The following RPL11 variants were observed in gnomAD, a reference collection of about 807,000 sequenced individuals.
RPL11 encodes the protein large ribosomal subunit protein uL5.
RPL11 carries 3 observed loss-of-function variants against 24.1 expected under a neutral mutation model. The observed-to-expected ratio is 0.12, with a 90% CI of 0.06 to 0.32. The LOEUF is 0.32. Ranked by LOEUF, RPL11 falls within the 10% of genes least tolerant of loss-of-function variation. RPL11 has a pLI of 1.00. For synonymous variants in RPL11, 96 were observed against 75.7 expected (o/e 1.27, Z -1.39); for missense variants, 146 against 225.7 (o/e 0.65, Z 2.26).
chr1:23,696,235 A>G, intron 5 of RPL11, 109 bp from the exon 6 acceptor site: 1 of 1,077,540 alleles, frequency 9.3e-7, no homozygotes, highest in Non-Finnish European at 1.4e-6. Context: ...GATGGGATTC[A>G]GAGCCCAAGT....
At position 23,695,838 on chromosome 1, in the gene RPL11, G is replaced by A. The variant is rs770776620; in HGVS notation, c.437G>A (p.Arg146His). The A allele has an allele frequency of 1.4e-5, 23 of 1,600,962 alleles. No individual in the cohort carries two copies. The highest frequency in any genetic ancestry group is 1.8e-4 in the Middle Eastern group (1 of 5,420). The change falls in exon 5 of 6, where the codon CGC becomes CAC. Residue 146 changes from arginine (R) to histidine (H), a missense_variant. Transcript: ENST00000643754. Reference sequence around the variant, plus strand: ...GGTTTCAGCATCGCAGACAAGAAGCGCAGGACAGGCTGCATTGGGGCCAAA... The same window carrying A: ...GGTTTCAGCATCGCAGACAAGAAGCACAGGACAGGCTGCATTGGGGCCAAA... ...RPGFSIADKK[R>H]RTGCIGAKHR...
chr1:23,696,616 G>A lies in RPL11; in HGVS notation c.*243G>A. The A allele has an allele frequency of 1.7e-6, 1 of 588,732 alleles. No individual in the cohort carries two copies. The highest frequency in any genetic ancestry group is 2.0e-5 in the South Asian group (1 of 50,900). The allele number at this position is 588,732 out of a possible 1,614,324, so 36.5% of individuals were successfully genotyped here. A position where few individuals can be genotyped will look rare whatever the true frequency, so the allele number is the denominator to read the frequency against. On this transcript the variant is annotated 3_prime_UTR_variant, in exon 6 of 6. Transcript: ENST00000643754. ...GTGCTTGCCACACCTTGGTTGATGT[G>A]CTGTGGTGCAGTAGCCCCATTTGGA...
Position 23,695,993 on chromosome 1 carries a change from A to G in RPL11, c.507+85A>G, listed in dbSNP as rs114817969. ...ATTTGGGGATGCAAAATATAGTACT[A>G]TTTGCTGGGTATCTTCTTTAAAGTT... On this transcript the variant is annotated intron_variant, in intron 5 of 5. Transcript: ENST00000643754. 731 of 1,247,728 alleles carry G rather than the reference A, an allele frequency of 5.9e-4. 4 individuals are homozygous for G. The African/African-American group carries it at 9.9e-3, about 17-fold the overall frequency. 77.3% of individuals were successfully genotyped at this position (1,247,728 alleles called of 1,614,324 possible).
intron 3 of RPL11, 74 bp downstream of exon 3, chr1:23,693,987 A>G (rs1644518321): frequency 9.1e-7 from 1 of 1,103,080 alleles, no homozygotes; most frequent in Non-Finnish European, 1.4e-6. Flanking sequence ...GTTACATTTA[A>G]TGTTCTGTTC....
At chr1:23,692,234 G>A (rs1326460892) in intron 1 of RPL11, 2 of 425,452 alleles carry the variant, frequency 4.7e-6, no homozygotes, top group African/African-American at 4.0e-5. Flanking sequence ...TAGGATGCTG[G>A]ACGTCGCATA....
chr1:23,694,906 T>G (rs1348681719), intron 4 of RPL11, 115 bp downstream of exon 4: 4 of 1,509,940 alleles, frequency 2.6e-6, no homozygotes, highest in Non-Finnish European at 3.7e-6. Flanking sequence ...ATTGTCTGCC[T>G]TTGTGTTCTC....
In RPL11 at chr1:23,696,534, T is replaced by C. The variant is rs978730969; in HGVS notation, c.*161T>C. The C allele has an allele frequency of 1.1e-5, 8 of 707,672 alleles. No homozygotes were observed. In the African/African-American group the frequency reaches 1.2e-4, roughly 11 times the overall value. 43.8% of individuals were successfully genotyped at this position (707,672 alleles called of 1,614,324 possible). ...TGGTAACAACCCCGTCATCCTCTGA[T>C]TGGATGCCAGTATTTCCTGGCAGAT... On this transcript the variant is annotated 3_prime_UTR_variant, in exon 6 of 6. Coordinates refer to ENST00000643754, the MANE Select transcript of RPL11 (RefSeq NM_000975.5).
At chr1:23,692,901 T>C (rs1292798143) in intron 2 of RPL11, 142 bp downstream of exon 2, 5 of 100,572 alleles carry the variant, frequency 5.0e-5, no homozygotes, top group Non-Finnish European at 9.0e-5. Flanking sequence ...AAGAGGTGTC[T>C]TTTTTTTTTT....
At chr1:23,693,726 C>A in intron 2 of RPL11, 81 bp from the exon 3 acceptor site, 1 of 930,206 alleles carries the variant, frequency 1.1e-6, no homozygotes, top group Non-Finnish European at 1.8e-6. Flanking sequence ...CTCTTTAAGT[C>A]ATGGAGATGG....
Position 23,695,542 on chromosome 1 carries a change from G to A in RPL11, c.397-256G>A. The A allele has an allele frequency of 7.6e-6, 4 of 528,794 alleles. No individual in the cohort carries two copies. In the South Asian group the frequency reaches 8.2e-5, roughly 11 times the overall value. 32.8% of individuals were successfully genotyped at this position (528,794 alleles called of 1,614,324 possible). A position where few individuals can be genotyped will look rare whatever the true frequency, so the allele number is the denominator to read the frequency against. On this transcript the variant is annotated intron_variant, in intron 4 of 5. Coordinates refer to ENST00000643754, the MANE Select transcript of RPL11 (RefSeq NM_000975.5). The stretch of plus-strand genomic sequence containing the variant: ...TGGAGATTTGGGAGCAGTAATGGAG[G>A]ATCCTCAGCACCACTGGAAAATAGG...
At position 23,696,484 on chromosome 1, in the gene RPL11, C is replaced by T. The variant is rs569380903; in HGVS notation, c.*111C>T. 2 of 1,086,902 alleles carry T rather than the reference C, an allele frequency of 1.8e-6. No homozygotes were observed. Among genetic ancestry groups the T allele is most frequent in the East Asian group, 4.8e-5 (2 of 41,634 alleles). 67.3% of individuals were successfully genotyped at this position (1,086,902 alleles called of 1,614,324 possible). A position where few individuals can be genotyped will look rare whatever the true frequency, so the allele number is the denominator to read the frequency against. ...ATATTCAAGTCCTTGGACCTCAAGC[C>T]ACTTAAAGCTTCGATGGGAGTAGCT... On this transcript the variant is annotated 3_prime_UTR_variant, in exon 6 of 6. Transcript: ENST00000643754.
intron 3 of RPL11, 101 bp from the exon 4 acceptor site, chr1:23,694,559 G>A: frequency 1.3e-6 from 2 of 1,516,410 alleles, no homozygotes; most frequent in Non-Finnish European, 1.8e-6. Flanking sequence ...ACTTCTGTTT[G>A]CTCTGGGGTG....
chr1:23,695,995 T>G, intron 5 of RPL11, 87 bp downstream of exon 5: 1 of 1,230,608 alleles, frequency 8.1e-7, no homozygotes, highest in Non-Finnish European at 1.2e-6. Flanking sequence ...ATAGTACTAT[T>G]TGCTGGGTAT....
chr1:23,695,853 T>C lies in RPL11; in HGVS notation c.452T>C (p.Ile151Thr), dbSNP rs754966145. 52 of 1,600,916 alleles carry C rather than the reference T, an allele frequency of 3.2e-5. No homozygotes were observed. Among genetic ancestry groups the C allele is most frequent in the East Asian group, 1.1e-4 (5 of 44,664 alleles). The stretch of plus-strand genomic sequence containing the variant: ...GACAAGAAGCGCAGGACAGGCTGCA[T>C]TGGGGCCAAACACAGAATCAGCAAA... ...IADKKRRTGC[I>T]GAKHRISKEE... The change falls in exon 5 of 6, where the codon ATT becomes ACT. Residue 151 changes from isoleucine (I) to threonine (T), a missense_variant. Ile to Thr is a moderately conservative substitution (Grantham distance 89). Transcript: ENST00000643754.
intron 2 of RPL11, among the ~76,000 whole-genome samples, chr1:23,693,584 C>T (rs1212514334): frequency 6.6e-6 from 1 of 152,154 alleles, no homozygotes; most frequent in African/African-American, 2.4e-5. Flanking sequence ...TATGACTGTT[C>T]TTAACTGCTG....
intron 5 of RPL11, 111 bp downstream of exon 5, chr1:23,696,019 A>G (rs919757627): frequency 1.1e-5 from 12 of 1,100,792 alleles, no homozygotes; most frequent in Non-Finnish European, 1.6e-5. Flanking sequence ...CTTTAAAGTT[A>G]GAATATTGGG....
At chr1:23,692,890 C>A in intron 2 of RPL11, 131 bp downstream of exon 2, 2 of 1,083,642 alleles carry the variant, frequency 1.8e-6, no homozygotes, top group Non-Finnish European at 2.6e-6. Flanking sequence ...ATGAGCCGGC[C>A]AAGAGGTGTC....
intron 2 of RPL11, 150 bp downstream of exon 2, chr1:23,692,909 T>G (rs1644510423): frequency 1.1e-6 from 1 of 946,974 alleles, no homozygotes; most frequent in Admixed American, 2.8e-5. Context: ...TCTTTTTTTT[T>G]TTTTTTTATT....
rs1026834361 is a variant in RPL11 at position 23,696,623 on chromosome 1, T to C, written c.*250T>C. The C allele has an allele frequency of 2.2e-5, 13 of 578,934 alleles. No individual in the cohort carries two copies. The African/African-American group carries it at 2.4e-4, about 11-fold the overall frequency. The allele number at this position is 578,934 out of a possible 1,614,324, so 35.9% of individuals were successfully genotyped here. ...CCACACCTTGGTTGATGTGCTGTGG[T>C]GCAGTAGCCCCATTTGGAGGGGAGG... On this transcript the variant is annotated 3_prime_UTR_variant, in exon 6 of 6. Coordinates refer to ENST00000643754, the MANE Select transcript of RPL11 (RefSeq NM_000975.5).
Sources: allele counts gnomAD v4.1 joint callset (sites outside exome capture counted in the v4.1 genomes callset), GRCh38; gene constraint gnomAD v4.1.1; transcripts MANE v1.5; gene names NCBI Gene and HGNC (gene_info 2026-07-23, HGNC 2026-07-21).